Variants in VRK2 observed in about 807,000 individuals in gnomAD.
VRK2 encodes the protein VRK serine/threonine kinase 2.
In VRK2, 60 loss-of-function variants were observed where a neutral mutation model predicts 57.6. That is an observed-to-expected ratio of 1.04 (90% CI 0.85 to 1.29). The LOEUF is 1.29. Ranked by LOEUF, VRK2 falls within the 50% of genes most tolerant of loss-of-function variation. VRK2 has a pLI of 0.00. For synonymous variants in VRK2, 231 were observed against 199.2 expected (o/e 1.16, Z -1.35); for missense variants, 705 against 588.1 (o/e 1.20, Z -2.06).
intron 1 of VRK2, among the ~76,000 whole-genome samples, chr2:58,002,292 C>G (rs1203520429): frequency 2.0e-5 from 3 of 152,100 alleles, no homozygotes; most frequent in Non-Finnish European, 4.4e-5. Flanking sequence ...GCCTGGCTAA[C>G]ATTGTGAAAC....
chr2:57,920,773 T>C (rs1670315473), intron 1 of VRK2, among the ~76,000 whole-genome samples: 1 of 152,034 alleles, frequency 6.6e-6, no homozygotes, highest in Non-Finnish European at 1.5e-5. Flanking sequence ...AGAGATCAAC[T>C]ATGGGTGAGA....
chr2:57,977,871 T>A (rs1270368552), intron 1 of VRK2, among the ~76,000 whole-genome samples: 1 of 151,142 alleles, frequency 6.6e-6, no homozygotes, highest in African/African-American at 2.5e-5. Context: ...AGATGGCTCT[T>A]ATCATTTTGA....
At chr2:58,040,224 T>C (rs1185177080) in intron 3 of VRK2, among the ~76,000 whole-genome samples, 1 of 152,220 alleles carries the variant, frequency 6.6e-6, no homozygotes, top group Non-Finnish European at 1.5e-5. Context: ...CTGGAATCTA[T>C]ATTTTTCACT....
At chr2:58,141,382 G>A (rs776906581) in intron 11 of VRK2, among the ~76,000 whole-genome samples, 1 of 151,808 alleles carries the variant, frequency 6.6e-6, no homozygotes, top group Non-Finnish European at 1.5e-5. Flanking sequence ...TCAAATTAAA[G>A]GGTGTTTGTT....
chr2:58,126,752 ATTC>A (rs1277756505), intron 8 of VRK2, among the ~76,000 whole-genome samples: 1 of 152,020 alleles, frequency 6.6e-6, no homozygotes, highest in Non-Finnish European at 1.5e-5. Flanking sequence ...TAATTTTTTT[ATTC>A]TTTATAAAAA....
chr2:58,051,099 C>G (rs1260938243), intron 2 of VRK2, among the ~76,000 whole-genome samples: 1 of 152,210 alleles, frequency 6.6e-6, no homozygotes, highest in African/African-American at 2.4e-5. Flanking sequence ...CCCACCTCGG[C>G]CTCCCGAAGT....
At chr2:57,981,088 T>G (rs1672409631) in intron 1 of VRK2, among the ~76,000 whole-genome samples, 1 of 152,186 alleles carries the variant, frequency 6.6e-6, no homozygotes, top group Non-Finnish European at 1.5e-5. Flanking sequence ...TATTAATAGC[T>G]AGTTTTTATG....
At chr2:58,123,368 A>G in intron 8 of VRK2, 135 bp downstream of exon 8, 1 of 1,089,470 alleles carries the variant, frequency 9.2e-7, no homozygotes, top group Non-Finnish European at 1.3e-6. Context: ...TATCAAAAGT[A>G]ATGAATTCCT....
At chr2:57,921,042 AACG>A (rs1040604124) in intron 1 of VRK2, among the ~76,000 whole-genome samples, 1 of 152,048 alleles carries the variant, frequency 6.6e-6, no homozygotes, top group African/African-American at 2.4e-5. Flanking sequence ...TGTGACTGTT[AACG>A]AATTAATCAG....
At position 58,122,950 on chromosome 2, in the gene VRK2, G is replaced by T. The variant is rs957308877; in HGVS notation, c.544-151G>T. The T allele has an allele frequency of 1.3e-5, 12 of 897,730 alleles. No homozygotes were observed. In the African/African-American group the frequency reaches 1.6e-4, roughly 12 times the overall value. The allele number at this position is 897,730 out of a possible 1,614,324, so 55.6% of individuals were successfully genotyped here. On this transcript the variant is annotated intron_variant, in intron 7 of 12. Coordinates refer to ENST00000340157, the MANE Select transcript of VRK2 (RefSeq NM_006296.7). ...GGAAAGTTAGTTGTTATGGCCCCCAGTTGTACATATTTTATCCTAAGGCAC... is the reference window on the plus strand; with the variant it reads ...GGAAAGTTAGTTGTTATGGCCCCCATTTGTACATATTTTATCCTAAGGCAC...
chr2:58,141,240 A>G (rs1681284495), intron 11 of VRK2, among the ~76,000 whole-genome samples: 1 of 152,044 alleles, frequency 6.6e-6, no homozygotes, highest in Admixed American at 6.6e-5. Flanking sequence ...TAATTTAAGT[A>G]GATTTTTCCC....
chr2:58,087,400 A>C (rs1371343855), intron 5 of VRK2, among the ~76,000 whole-genome samples: 1 of 152,234 alleles, frequency 6.6e-6, no homozygotes, highest in Non-Finnish European at 1.5e-5. Context: ...AAAGAAGTCC[A>C]TTAGAGCTAT....
intron 7 of VRK2, among the ~76,000 whole-genome samples, chr2:58,107,255 T>TATA (rs1031893887): frequency 5.9e-5 from 9 of 152,146 alleles, no homozygotes; most frequent in African/African-American, 2.2e-4. Flanking sequence ...AATACATATA[T>TATA]ATACTCTTCC....
At chr2:58,044,926 C>T (rs149962997), upstream of VRK2, among the ~76,000 whole-genome samples, 1 of 152,110 alleles carries the variant, frequency 6.6e-6, no homozygotes, top group African/African-American at 2.4e-5. Context: ...CTGAGGAGAC[C>T]AGGGATACTG....
At chr2:58,101,764 G>C (rs761903948) in intron 7 of VRK2, among the ~76,000 whole-genome samples, 31 of 151,758 alleles carry the variant, frequency 2.0e-4, no homozygotes, top group Non-Finnish European at 3.5e-4. Flanking sequence ...AGAACCAGGT[G>C]AATGTGATCT....
At chr2:58,159,168 T>C (rs1052357976) in intron 12 of VRK2, 181 bp from the exon 13 acceptor site, 1 of 490,526 alleles carries the variant, frequency 2.0e-6, no homozygotes, top group African/African-American at 2.0e-5. Context: ...TGGATGTTTA[T>C]AAACTCTTAA....
chr2:58,076,931 A>AT (rs1340853051), intron 2 of VRK2, among the ~76,000 whole-genome samples: 1 of 152,036 alleles, frequency 6.6e-6, no homozygotes, highest in Non-Finnish European at 1.5e-5. Flanking sequence ...CTAAATGGTG[A>AT]TATATTATAA....
chr2:57,914,098 T>C (rs979406392), intron 1 of VRK2, among the ~76,000 whole-genome samples: 3 of 152,094 alleles, frequency 2.0e-5, no homozygotes, highest in Non-Finnish European at 4.4e-5. Context: ...ACTTCAAGAA[T>C]ATCTACTTCT....
intron 12 of VRK2, among the ~76,000 whole-genome samples, chr2:58,150,548 G>A (rs1204113961): frequency 1.1e-5 from 1 of 90,656 alleles, no homozygotes. Context: ...ACCAGCTTTG[G>A]TTTTTTTTTT....
Sources: allele counts gnomAD v4.1 joint callset (sites outside exome capture counted in the v4.1 genomes callset), GRCh38; gene constraint gnomAD v4.1.1; transcripts MANE v1.5; gene names NCBI Gene and HGNC (gene_info 2026-07-23, HGNC 2026-07-21).